Variants in NF1 observed in about 807,000 individuals in gnomAD.
NF1 encodes the protein neurofibromin.
In NF1, 122 loss-of-function variants were observed where a neutral mutation model predicts 325.7. The ratio of observed to expected loss-of-function variants is 0.37; its 90% CI spans 0.32 to 0.44. The LOEUF is 0.44. Among genes scored for constraint, NF1 ranks in the 20% least tolerant of loss-of-function variants. NF1 has a pLI of 1.00. For synonymous variants in NF1, 1,091 were observed against 1,186.0 expected, an observed-to-expected ratio of 0.92 and a Z score of 1.65; for missense variants, 2,140 against 3,415.4, an observed-to-expected ratio of 0.63 and a Z score of 9.31.
chr17:31,223,049 T>C (rs1184521778), intron 15 of NF1, among the ~76,000 whole-genome samples: 1 of 152,194 alleles, frequency 6.6e-6, no homozygotes, highest in Non-Finnish European at 1.5e-5. Flanking sequence ...ATATTTACAA[T>C]AGCAAGTGAT....
Position 31,261,768 on chromosome 17 carries a change from C to T in NF1, c.4635C>T (p.Tyr1545=), listed in dbSNP as rs754023358. The T allele has an allele frequency of 9.9e-6, 16 of 1,612,222 alleles. No individual in the cohort carries two copies. Among genetic ancestry groups the T allele is most frequent in the South Asian group, 4.4e-5 (4 of 91,002 alleles). ...ATAAGATGGCAACACTTCTTGCATA[C>T]CTGGGTCCTCCAGAGCACAAACCTG... ...PFDKMATLLA[Y]LGPPEHKPVA... is the part of the protein sequence containing the mutation. Residue 1545 remains tyrosine (Y), a synonymous_variant, in exon 35 of 58, where the codon TAC becomes TAT. Transcript: ENST00000358273.
At chr17:31,130,118 A>G (rs1239558969) in intron 1 of NF1, among the ~76,000 whole-genome samples, 5 of 122,506 alleles carry the variant, frequency 4.1e-5, no homozygotes, top group African/African-American at 6.3e-5. Flanking sequence ...ATGACCTTGG[A>G]TGTTTGTGGT....
intron 1 of NF1, among the ~76,000 whole-genome samples, chr17:31,143,088 T>C (rs1430473340): frequency 6.6e-6 from 1 of 152,208 alleles, no homozygotes; most frequent in African/African-American, 2.4e-5. Context: ...CTTTTTGTTA[T>C]AGAATTTATA....
rs876659061 is a variant in NF1 at position 31,226,683 on chromosome 17, A to G, written c.2250A>G (p.Thr750=). Residue 750 remains threonine, a splice_region_variant and synonymous_variant, in exon 18 of 58, where the codon ACA becomes ACG. Coordinates refer to ENST00000358273, the MANE Select transcript of NF1 (RefSeq NM_001042492.3). The stretch of plus-strand genomic sequence containing the variant: ...CCTCTGTCAGCAATATGATGTCAAC[A>G]GGTAAATGTGAATAGTGGTTTTTTT... The part of the protein sequence containing the change: ...EFASVSNMMS[T]GRAALQKRVM... The G allele has an allele frequency of 2.1e-5, 34 of 1,613,768 alleles. No individual in the cohort carries two copies. The highest frequency in any genetic ancestry group is 2.9e-5 in the Non-Finnish European group (34 of 1,179,752).
At chr17:31,309,672 G>A (rs2068817304) in intron 36 of NF1, among the ~76,000 whole-genome samples, 1 of 152,134 alleles carries the variant, frequency 6.6e-6, no homozygotes, top group African/African-American at 2.4e-5. Context: ...AAACCATACG[G>A]TTCCTCTTTT....
chr17:31,257,935 A>G (rs1157962658), intron 31 of NF1, among the ~76,000 whole-genome samples: 1 of 152,170 alleles, frequency 6.6e-6, no homozygotes, highest in African/African-American at 2.4e-5. Context: ...TGTGCTGTTG[A>G]AAATTTAGTT....
chr17:31,120,640 A>G (rs762307344), intron 1 of NF1, among the ~76,000 whole-genome samples: 7 of 152,008 alleles, frequency 4.6e-5, no homozygotes, highest in African/African-American at 7.2e-5. Context: ...TTCCAATACT[A>G]TGTTGTATAG....
intron 1 of NF1, among the ~76,000 whole-genome samples, chr17:31,142,392 A>T (rs1033079058): frequency 6.6e-6 from 1 of 152,176 alleles, no homozygotes; most frequent in African/African-American, 2.4e-5. Flanking sequence ...AATTTTAAAA[A>T]ATCACCTTAT....
At chr17:31,112,208 TCAAATTTTCACCATTA>T (rs1404688781) in intron 1 of NF1, among the ~76,000 whole-genome samples, 2 of 152,186 alleles carry the variant, frequency 1.3e-5, no homozygotes, top group African/African-American at 4.8e-5. Flanking sequence ...TGAAGACAAC[TCAAATTTTCACCATTA>T]CAAATAAAGT....
At chr17:31,288,607 G>T (rs1221469685) in intron 36 of NF1, among the ~76,000 whole-genome samples, 2 of 150,172 alleles carry the variant, frequency 1.3e-5, no homozygotes, top group African/African-American at 4.9e-5. Flanking sequence ...CATGATCTCG[G>T]CTTACTGCAA....
Position 31,095,450 on chromosome 17 carries a change from C to G in NF1, c.60+81C>G, listed in dbSNP as rs2143148137. The G allele has an allele frequency of 5.9e-6, 8 of 1,362,954 alleles. 1 individual carries two copies. In the South Asian group the frequency reaches 8.0e-5, roughly 14 times the overall value. The allele number at this position is 1,362,954 out of a possible 1,614,324, so 84.4% of individuals were successfully genotyped here. A position where few individuals can be genotyped will look rare whatever the true frequency, so the allele number is the denominator to read the frequency against. On this transcript the variant is annotated intron_variant, in intron 1 of 57. Transcript: ENST00000358273. ...AGGTGAGGGGAGGTAGGAGCGGCCGCCTCCCCCGCGGCTGCCTCAGGCTCT... is the reference window on the plus strand; with the variant it reads ...AGGTGAGGGGAGGTAGGAGCGGCCGGCTCCCCCGCGGCTGCCTCAGGCTCT...
At chr17:31,157,832 G>A (rs573155747) in intron 2 of NF1, among the ~76,000 whole-genome samples, 29 of 151,424 alleles carry the variant, frequency 1.9e-4, no homozygotes, top group African/African-American at 6.5e-4. Context: ...GGGGTGTGGC[G>A]GCATGTGCCT....
chr17:31,168,427 A>G (rs1410417618), intron 4 of NF1, among the ~76,000 whole-genome samples: 1 of 152,188 alleles, frequency 6.6e-6, no homozygotes, highest in African/African-American at 2.4e-5. Flanking sequence ...ATTATCTCAG[A>G]AATGGCTTTT....
rs144783679 is a variant in NF1, at chr17:31,271,473, C to T, written c.4835+6134C>T. Among the ~76,000 whole-genome samples the T allele has an allele frequency of 4.6e-3, 694 of 152,112 alleles. 6 individuals carry two copies. Among genetic ancestry groups the T allele is most frequent in the African/African-American group, 0.016 (663 of 41,494 alleles). On this transcript the variant is annotated intron_variant, in intron 36 of 57. Coordinates refer to ENST00000358273, the MANE Select transcript of NF1 (RefSeq NM_001042492.3). ...GTTTAATAAAAAATAAAATATAGACCGGGCATGGTGGCTCACACCTGTAAT... is the reference window on the plus strand; with the variant it reads ...GTTTAATAAAAAATAAAATATAGACTGGGCATGGTGGCTCACACCTGTAAT...
chr17:31,113,881 A>G (rs1913651669), intron 1 of NF1, among the ~76,000 whole-genome samples: 1 of 152,216 alleles, frequency 6.6e-6, no homozygotes, highest in South Asian at 2.1e-4. Flanking sequence ...TGTTCTTTGT[A>G]AAAATGAGGA....
chr17:31,258,532 A>G, intron 32 of NF1, 30 bp downstream of exon 32: 1 of 1,610,352 alleles, frequency 6.2e-7, no homozygotes, highest in South Asian at 1.1e-5. Context: ...TAGCTATCTT[A>G]AATTCCCCTT....
At chr17:31,117,911 C>T (rs1914094028) in intron 1 of NF1, among the ~76,000 whole-genome samples, 1 of 151,962 alleles carries the variant, frequency 6.6e-6, no homozygotes, top group African/African-American at 2.4e-5. Flanking sequence ...TCTTTTTGAA[C>T]ACCTGGAAAA....
At chr17:31,135,815 G>C (rs1269274247) in intron 1 of NF1, among the ~76,000 whole-genome samples, 2 of 151,786 alleles carry the variant, frequency 1.3e-5, no homozygotes, top group Non-Finnish European at 2.9e-5. Flanking sequence ...GAGCTCAAGC[G>C]ATCCACCTGC....
intron 36 of NF1, among the ~76,000 whole-genome samples, chr17:31,315,169 T>A (rs927116588): frequency 6.6e-6 from 1 of 152,184 alleles, no homozygotes; most frequent in Non-Finnish European, 1.5e-5. Context: ...TTTATTTGAT[T>A]ACCCACAAAG....
Sources: gnomAD v4.1 joint callset for allele counts (sites outside exome capture counted in the v4.1 genomes callset) on GRCh38, gnomAD v4.1.1 for gene constraint, MANE v1.5 for transcripts, NCBI Gene and HGNC (gene_info 2026-07-23, HGNC 2026-07-21) for gene names.